RBM11: variants seen among roughly 807,000 people sequenced by gnomAD.
RBM11 encodes the protein splicing regulator RBM11.
RBM11 carries 18 observed loss-of-function variants against 21.4 expected under a neutral mutation model. The observed-to-expected ratio is 0.84, with a 90% CI of 0.58 to 1.25. The LOEUF (loss-of-function observed/expected upper bound fraction) is 1.25. Ranked by LOEUF, RBM11 falls within the 50% of genes most tolerant of loss-of-function variation. The pLI, the probability that RBM11 is intolerant of heterozygous loss-of-function variation, is 0.00. For missense variants in RBM11, 294 were observed against 331.9 expected, an observed-to-expected ratio of 0.89 and a Z score of 0.89; for synonymous variants, 120 against 116.3, an observed-to-expected ratio of 1.03 and a Z score of -0.20.
chr21:14,220,013 A>G (rs949311559), intron 2 of RBM11, among the ~76,000 whole-genome samples: 1 of 152,194 alleles, frequency 6.6e-6, no homozygotes, highest in African/African-American at 2.4e-5. Context: ...TTATAAATTG[A>G]GCAAATCTAA....
chr21:14,221,348 A>G, intron 3 of RBM11, 179 bp downstream of exon 3: 1 of 796,220 alleles, frequency 1.3e-6, no homozygotes, highest in Non-Finnish European at 1.8e-6. Flanking sequence ...TTTAAAATTC[A>G]GTCTTAATAT....
At chr21:14,219,535 G>A (rs1306794843) in intron 1 of RBM11, 28 bp from the exon 2 acceptor site, 1 of 1,426,304 alleles carries the variant, frequency 7.0e-7, no homozygotes, top group Admixed American at 2.8e-5. Context: ...TTGGATTTAT[G>A]AGAAAATAAT....
intron 3 of RBM11, 42 bp downstream of exon 3, chr21:14,221,211 A>G: frequency 2.0e-6 from 3 of 1,505,590 alleles, no homozygotes; most frequent in Non-Finnish European, 2.7e-6. Context: ...AAGCAAATAT[A>G]TTTTTATGCC....
chr21:14,225,482 A>G (rs1305469690), intron 4 of RBM11, among the ~76,000 whole-genome samples: 1 of 152,150 alleles, frequency 6.6e-6, no homozygotes, highest in African/African-American at 2.4e-5. Flanking sequence ...TTGTTAATCT[A>G]CAGTCCCAAG....
intron 4 of RBM11, among the ~76,000 whole-genome samples, chr21:14,225,429 AT>A (rs950633657): frequency 3.3e-5 from 5 of 151,312 alleles, no homozygotes; most frequent in Non-Finnish European, 4.4e-5. Flanking sequence ...AGGTGAACTC[AT>A]TTTTTTTTAA....
At chr21:14,216,389 C>A in intron 1 of RBM11, 107 bp downstream of exon 1, 1 of 890,344 alleles carries the variant, frequency 1.1e-6, no homozygotes, top group Non-Finnish European at 1.7e-6. Context: ...CCATCCTGAG[C>A]AGGGGTTTTA....
At chr21:14,226,756 G>T in intron 4 of RBM11, 124 bp from the exon 5 acceptor site, 1 of 1,340,664 alleles carries the variant, frequency 7.5e-7, no homozygotes. Flanking sequence ...AGAGGTCACT[G>T]TCTTTCTTAT....
In RBM11 at chr21:14,216,270, G is replaced by C. The variant is rs762813576; in HGVS notation, c.84G>C (p.Glu28Asp). The C allele has an allele frequency of 6.2e-7, 1 of 1,613,534 alleles. No individual in the cohort carries two copies. Among genetic ancestry groups the C allele is most frequent in the South Asian group, 1.1e-5 (1 of 90,934 alleles). The change falls in exon 1 of 5, where the codon GAG becomes GAC. Residue 28 changes from glutamate (E) to aspartate (D), a missense_variant. By Grantham distance (45) the Glu-to-Asp change is conservative. This residue lies in a region of RBM11 where 181 missense variants were observed against 164.6 expected (regional missense o/e 1.10). Transcript: ENST00000400577. ...GAGTTCGGGAAGAGATTCTGTACGAGCTGTTCCTTCAGGTACCGTCTCTGG... is the reference window on the plus strand; with the variant it reads ...GAGTTCGGGAAGAGATTCTGTACGACCTGTTCCTTCAGGTACCGTCTCTGG... ...EARVREEILY[E>D]LFLQAGPLTK...
At chr21:14,221,918 T>C (rs1188559643) in intron 3 of RBM11, among the ~76,000 whole-genome samples, 1 of 152,196 alleles carries the variant, frequency 6.6e-6, no homozygotes, top group Non-Finnish European at 1.5e-5. Flanking sequence ...TTCTCTCTGC[T>C]GTATCAGCCT....
chr21:14,226,758 C>CTTTCT, intron 4 of RBM11, 122 bp from the exon 5 acceptor site: 1 of 1,358,898 alleles, frequency 7.4e-7, no homozygotes, highest in Non-Finnish European at 9.9e-7. Context: ...AGGTCACTGT[C>CTTTCT]TTTCTTATAC....
rs555047305 is a variant in RBM11 at position 14,218,370 on chromosome 21, A to G, written c.97-1193A>G. Among the ~76,000 whole-genome samples the G allele has an allele frequency of 6.6e-5, 10 of 152,270 alleles. No individual in the cohort carries two copies. In the East Asian group the frequency reaches 1.5e-3, roughly 23 times the overall value. ...ATTTCTGATTATACTTGGAAATGAG[A>G]AAATCAGATTTATTATCATTACACT... On this transcript the variant is annotated intron_variant, in intron 1 of 4. Coordinates refer to ENST00000400577, the MANE Select transcript of RBM11 (RefSeq NM_144770.5).
At position 14,224,474 on chromosome 21, in the gene RBM11, C is replaced by T. The variant is rs759687155; in HGVS notation, c.369C>T (p.Pro123=). The change falls in exon 4 of 5, where the codon CCC becomes CCT. Residue 123 remains proline, a synonymous_variant. Coordinates refer to ENST00000400577, the MANE Select transcript of RBM11 (RefSeq NM_144770.5). The part of the protein sequence containing the change: ...EEMLVGRSSF[P]MQYFPINNTS... ...TGTTGGTGGGCAGATCTTCCTTTCC[C>T]ATGCAGTATTTTCCAATTAATAATA... The T allele has an allele frequency of 2.0e-5, 32 of 1,562,916 alleles. No individual in the cohort carries two copies. Among genetic ancestry groups the T allele is most frequent in the Non-Finnish European group, 2.8e-5 (32 of 1,152,024 alleles).
At chr21:14,221,796 T>G (rs578170579) in intron 3 of RBM11, among the ~76,000 whole-genome samples, 2 of 152,248 alleles carry the variant, frequency 1.3e-5, no homozygotes, top group East Asian at 3.9e-4. Context: ...TTAAAAACAG[T>G]GAAAAGCAAG....
At chr21:14,220,332 T>A (rs1209389205) in intron 2 of RBM11, among the ~76,000 whole-genome samples, 1 of 152,292 alleles carries the variant, frequency 6.6e-6, no homozygotes, top group African/African-American at 2.4e-5. Flanking sequence ...GAGAATGTTA[T>A]ACCATTACTC....
At position 14,227,124 on chromosome 21, in the gene RBM11, C is replaced by CCAGCTCATATAAATGGACT. The variant is rs1979167221; in HGVS notation, c.680_698dup (p.His233GlnfsTer4). 6.2e-7 allele frequency: 1 copy of CCAGCTCATATAAATGGACT among 1,610,500 alleles called. No homozygotes were observed. Among genetic ancestry groups the CCAGCTCATATAAATGGACT allele is most frequent in the East Asian group, 2.2e-5 (1 of 44,868 alleles). On this transcript the variant is annotated frameshift_variant, in exon 5 of 5. Coordinates refer to ENST00000400577, the MANE Select transcript of RBM11 (RefSeq NM_144770.5). LOFTEE classifies it high-confidence loss of function. ...CATGTTCCAGATCTTGAGGCTGGAC[C>CCAGCTCATATAAATGGACT]CAGCTCATATAAATGGACTCACCAA...
At chr21:14,218,424 A>C in intron 1 of RBM11, among the ~76,000 whole-genome samples, 1 of 152,134 alleles carries the variant, frequency 6.6e-6, no homozygotes, top group East Asian at 1.9e-4. Context: ...ATTTAGAGAA[A>C]ATATGGTGAA....
At position 14,225,055 on chromosome 21, in the gene RBM11, C is replaced by A. The variant is rs568523891; in HGVS notation, c.432+518C>A. Among the ~76,000 whole-genome samples the A allele has an allele frequency of 3.3e-5, 5 of 151,652 alleles. No individual in the cohort carries two copies. In the South Asian group the frequency reaches 1.0e-3, roughly 32 times the overall value. On this transcript the variant is annotated intron_variant, in intron 4 of 4. Transcript: ENST00000400577. ...TTGCTTGAACCTAGAAGGTGGAGGT[C>A]GCAGTGAGCCAAGATTGTGCTCCAG...
In RBM11 at chr21:14,216,273, G is replaced by T; in HGVS notation, c.87G>T (p.Leu29=). The part of the protein sequence containing the change: ...ARVREEILYE[L]FLQAGPLTKV... ...TTCGGGAAGAGATTCTGTACGAGCTGTTCCTTCAGGTACCGTCTCTGGGAA... is the reference window on the plus strand; with the variant it reads ...TTCGGGAAGAGATTCTGTACGAGCTTTTCCTTCAGGTACCGTCTCTGGGAA... The change falls in exon 1 of 5, where the codon CTG becomes CTT. Residue 29 remains leucine, a synonymous_variant. Transcript: ENST00000400577. 5.0e-6 allele frequency: 8 copies of T among 1,613,314 alleles called. No individual in the cohort carries two copies. The highest frequency in any genetic ancestry group is 6.8e-6 in the Non-Finnish European group (8 of 1,179,590).
In RBM11 at chr21:14,216,286, C is replaced by T; in HGVS notation, c.96+4C>T. 1.2e-6 allele frequency: 2 copies of T among 1,612,644 alleles called. No homozygotes were observed. Among genetic ancestry groups the T allele is most frequent in the South Asian group, 2.2e-5 (2 of 90,766 alleles). On this transcript the variant is annotated splice_donor_region_variant and intron_variant, in intron 1 of 4. Transcript: ENST00000400577. ...TCTGTACGAGCTGTTCCTTCAGGTA[C>T]CGTCTCTGGGAAGGGGCGGCGGAGG...
Sources: allele counts gnomAD v4.1 joint callset (sites outside exome capture counted in the v4.1 genomes callset), GRCh38; gene constraint gnomAD v4.1.1; regional missense constraint gnomAD v4.1.1; transcripts MANE v1.5; gene names NCBI Gene and HGNC (gene_info 2026-07-23, HGNC 2026-07-21).